Variants in CALN1 observed in about 807,000 individuals in gnomAD.
CALN1 encodes calneuron 1.
CALN1 carries 17 observed loss-of-function variants against 30.6 expected under a neutral mutation model. The observed-to-expected ratio is 0.56, with a 90% CI of 0.38 to 0.83. The LOEUF (loss-of-function observed/expected upper bound fraction) is 0.83, where lower values mean the gene tolerates loss of function less well. CALN1 is among the 40% of genes least tolerant of loss of function. The pLI is 0.00. For missense variants in CALN1, 291 were observed against 354.9 expected, an observed-to-expected ratio of 0.82 and a Z score of 1.45; for synonymous variants, 156 against 131.4, an observed-to-expected ratio of 1.19 and a Z score of -1.28.
chr7:72,453,018 T>A, the CALN1 span, among the ~76,000 whole-genome samples: 1 of 152,188 alleles, frequency 6.6e-6, no homozygotes, highest in Non-Finnish European at 1.5e-5. Context: ...GGCTCAAGCC[T>A]CCAGCAAGCT....
intron 3 of CALN1, among the ~76,000 whole-genome samples, chr7:72,190,127 G>A (rs1790496859): frequency 6.6e-6 from 1 of 152,108 alleles, no homozygotes; most frequent in South Asian, 2.1e-4. Context: ...AGGCCGAGGT[G>A]GGCAGATCAC....
intron 1 of CALN1, among the ~76,000 whole-genome samples, chr7:72,440,643 A>G (rs1221755482): frequency 6.6e-6 from 1 of 152,190 alleles, no homozygotes; most frequent in Non-Finnish European, 1.5e-5. Flanking sequence ...CCTGGCCAAT[A>G]TGAGGAAACC....
At chr7:71,843,372 G>T (rs983039936) in intron 5 of CALN1, among the ~76,000 whole-genome samples, 1 of 152,042 alleles carries the variant, frequency 6.6e-6, no homozygotes, top group Non-Finnish European at 1.5e-5. Context: ...TAATCCTAGC[G>T]CCTTGGGAGG....
chr7:72,286,181 T>C (rs779660040), intron 2 of CALN1, among the ~76,000 whole-genome samples: 15 of 151,840 alleles, frequency 9.9e-5, no homozygotes, highest in Non-Finnish European at 1.8e-4. Context: ...TCTCTTCTGT[T>C]TCAGGGACTT....
intron 3 of CALN1, among the ~76,000 whole-genome samples, chr7:72,125,944 C>T (rs1335576522): frequency 2.6e-5 from 4 of 151,758 alleles, no homozygotes; most frequent in Non-Finnish European, 5.9e-5. Flanking sequence ...GGATTATAGG[C>T]GCGTGCCACC....
chr7:72,220,357 C>A (rs1186920346), intron 3 of CALN1, among the ~76,000 whole-genome samples: 2 of 151,958 alleles, frequency 1.3e-5, no homozygotes, highest in Non-Finnish European at 2.9e-5. Flanking sequence ...CATGTCCCTA[C>A]AAAGGACACG....
chr7:72,316,090 G>C (rs1585459827), intron 2 of CALN1, among the ~76,000 whole-genome samples: 1 of 151,902 alleles, frequency 6.6e-6, no homozygotes, highest in Non-Finnish European at 1.5e-5. Flanking sequence ...GGTGGAGTTT[G>C]CAGTGAGCTG....
chr7:72,105,560 C>T (rs529997250), intron 4 of CALN1, among the ~76,000 whole-genome samples: 3 of 151,504 alleles, frequency 2.0e-5, no homozygotes, highest in African/African-American at 7.3e-5. Flanking sequence ...AATAATTTCT[C>T]AACAATGTAA....
At chr7:72,159,634 C>G (rs550776285) in intron 3 of CALN1, among the ~76,000 whole-genome samples, 314 of 152,094 alleles carry the variant, frequency 2.1e-3, no homozygotes, top group Non-Finnish European at 3.7e-3. Flanking sequence ...CCCACCTCCA[C>G]TAAAAATACA....
chr7:71,808,296 G>A (rs7784425), intron 6 of CALN1, among the ~76,000 whole-genome samples: 27,203 of 149,072 alleles, frequency 0.18, 2,604 homozygotes, highest in Middle Eastern at 0.27. Context: ...AATTAATAAT[G>A]GTAACAATTA....
At chr7:72,053,843 G>A (rs1468645287) in intron 4 of CALN1, among the ~76,000 whole-genome samples, 1 of 139,394 alleles carries the variant, frequency 7.2e-6, no homozygotes, top group Non-Finnish European at 1.5e-5. Flanking sequence ...TTATGCCATC[G>A]CGTCCTCATA....
intron 3 of CALN1, among the ~76,000 whole-genome samples, chr7:72,245,133 C>G (rs1447483315): frequency 6.6e-6 from 1 of 152,166 alleles, no homozygotes; most frequent in African/African-American, 2.4e-5. Flanking sequence ...ACAATCCCCG[C>G]TGGAGGTGCT....
intron 3 of CALN1, among the ~76,000 whole-genome samples, chr7:72,239,676 T>C (rs754788259): frequency 7.4e-6 from 1 of 135,454 alleles, no homozygotes; most frequent in Admixed American, 7.8e-5. Flanking sequence ...CTCAACAGAA[T>C]AACGTGGGAT....
chr7:72,296,695 G>A (rs1339464213), intron 2 of CALN1, among the ~76,000 whole-genome samples: 1 of 146,228 alleles, frequency 6.8e-6, no homozygotes, highest in Non-Finnish European at 1.5e-5. Flanking sequence ...ATTTCTGTGG[G>A]ATCGGTGGTG....
chr7:72,391,668 T>G (rs1373006097), intron 2 of CALN1, among the ~76,000 whole-genome samples: 2 of 152,148 alleles, frequency 1.3e-5, no homozygotes, highest in South Asian at 2.1e-4. Flanking sequence ...TCTCAAAAGA[T>G]CTGATGGTTT....
At chr7:72,215,779 C>T (rs905605135) in intron 3 of CALN1, among the ~76,000 whole-genome samples, 5 of 152,052 alleles carry the variant, frequency 3.3e-5, no homozygotes, top group Non-Finnish European at 5.9e-5. Flanking sequence ...CCCTGCTGCA[C>T]GAGGCCTTTG....
intron 3 of CALN1, among the ~76,000 whole-genome samples, chr7:72,150,614 T>C (rs1364585177): frequency 2.6e-5 from 4 of 152,110 alleles, no homozygotes; most frequent in Non-Finnish European, 5.9e-5. Context: ...TGCAAAGATC[T>C]TGAGAGGGTG....
intron 4 of CALN1, among the ~76,000 whole-genome samples, chr7:72,031,193 T>C (rs150684640): frequency 6.6e-6 from 1 of 152,302 alleles, no homozygotes; most frequent in East Asian, 1.9e-4. Context: ...TCTGGATCAC[T>C]GTCTCCTGAT....
At chr7:72,289,914 C>A (rs1255155037) in intron 2 of CALN1, among the ~76,000 whole-genome samples, 1 of 151,096 alleles carries the variant, frequency 6.6e-6, no homozygotes, top group Non-Finnish European at 1.5e-5. Context: ...CTCATTTCTA[C>A]AAAAAATAAA....
Sources: allele counts gnomAD v4.1 joint callset (sites outside exome capture counted in the v4.1 genomes callset), GRCh38; gene constraint gnomAD v4.1.1; transcripts MANE v1.5; gene names NCBI Gene and HGNC (gene_info 2026-07-23, HGNC 2026-07-21).